The following ELMOD3 variants were observed in gnomAD, a reference collection of about 807,000 sequenced individuals.
The protein encoded by ELMOD3 is ELMO domain-containing protein 3.
Under a neutral mutation model 47.4 loss-of-function variants are expected in ELMOD3, and 36 were observed. That is an observed-to-expected ratio of 0.76 (90% confidence interval 0.58 to 1.00). ELMOD3 has a LOEUF of 1.00. Among genes scored for constraint, ELMOD3 ranks in the 50% least tolerant of loss-of-function variants. ELMOD3 has a pLI of 0.00. For synonymous variants in ELMOD3, 149 were observed against 183.5 expected, an observed-to-expected ratio of 0.81 and a Z score of 1.52; for missense variants, 404 against 463.8, an observed-to-expected ratio of 0.87 and a Z score of 1.18.
chr2:85,371,632 CG>C (rs1684795376), intron 10 of ELMOD3, 70 bp downstream of exon 10: 13 of 1,594,166 alleles, frequency 8.2e-6, no homozygotes, highest in Middle Eastern at 1.7e-4. Context: ...GAGGCCAGGT[CG>C]TTCTCTTCCA....
chr2:85,380,460 C>T (rs145054796), intron 11 of ELMOD3, among the ~76,000 whole-genome samples: 59 of 152,328 alleles, frequency 3.9e-4, no homozygotes, highest in Admixed American at 8.5e-4. Context: ...TCTGATGTCA[C>T]AATCTCCAAA....
Position 85,371,563 on chromosome 2 carries a change from G to T in ELMOD3, c.607+1G>T. On this transcript the variant is annotated splice_donor_variant, in intron 10 of 13. Coordinates refer to ENST00000409013, the MANE Select transcript of ELMOD3 (RefSeq NM_001135022.2). LOFTEE classifies it high-confidence loss of function. The stretch of plus-strand genomic sequence containing the variant: ...CACTGGGAGGACCTGGGCTTTCAGG[G>T]TAAGAGGGAGGAGTAGCTCATCTTC... 6.2e-7 allele frequency: 1 copy of T among 1,614,180 alleles called. No individual in the cohort carries two copies. The highest frequency in any genetic ancestry group is 8.5e-7 in the Non-Finnish European group (1 of 1,180,008).
chr2:85,355,921 A>G (rs1446517153), intron 3 of ELMOD3: 2 of 152,130 alleles, frequency 1.3e-5, no homozygotes, highest in Non-Finnish European at 2.9e-5. Context: ...AGTGTTAATA[A>G]TCAAAGCATC....
chr2:85,369,106 T>C (rs1684605926), intron 7 of ELMOD3, among the ~76,000 whole-genome samples: 1 of 152,146 alleles, frequency 6.6e-6, no homozygotes, highest in Admixed American at 6.6e-5. Context: ...GCTCAGGTTG[T>C]TTACTGCACA....
chr2:85,385,602 G>A (rs1033461606), intron 11 of ELMOD3, among the ~76,000 whole-genome samples: 4 of 152,226 alleles, frequency 2.6e-5, no homozygotes, highest in Middle Eastern at 3.4e-3. Flanking sequence ...GGATTTATAC[G>A]TACAGGTTTG....
chr2:85,371,584 T>A, intron 10 of ELMOD3, 22 bp downstream of exon 10: 1 of 1,613,600 alleles, frequency 6.2e-7, no homozygotes, highest in Non-Finnish European at 8.5e-7. Context: ...GAGTAGCTCA[T>A]CTTCTTTTTC....
chr2:85,366,328 G>A (rs1400055750), intron 6 of ELMOD3, among the ~76,000 whole-genome samples: 2 of 152,046 alleles, frequency 1.3e-5, no homozygotes, highest in Non-Finnish European at 2.9e-5. Flanking sequence ...TATGCTGAAA[G>A]TAAGTTTTAT....
rs989113359 is a variant in ELMOD3 at position 85,376,046 on chromosome 2, A to C, written c.608-1298A>C. Among the ~76,000 whole-genome samples the C allele has an allele frequency of 5.9e-5, 9 of 152,114 alleles. No homozygotes were observed. The highest frequency in any genetic ancestry group is 1.2e-4 in the Non-Finnish European group (8 of 68,022). Reference sequence around the variant, plus strand: ...GATCAGCAACCTTAATTCTACCTGCAGTCTTAATCCCCTTTGCCATGTTAC... The same window carrying C: ...GATCAGCAACCTTAATTCTACCTGCCGTCTTAATCCCCTTTGCCATGTTAC... On this transcript the variant is annotated intron_variant, in intron 10 of 13. Transcript: ENST00000409013. The surrounding 1 kb of genome is among the most constrained non-coding windows in gnomAD (Gnocchi z 4.2).
chr2:85,360,458 A>G (rs1025151243), intron 4 of ELMOD3, among the ~76,000 whole-genome samples: 1 of 150,902 alleles, frequency 6.6e-6, no homozygotes, highest in African/African-American at 2.4e-5. Context: ...GGTTGAAGCC[A>G]TTCTCGTGCC....
intron 11 of ELMOD3, among the ~76,000 whole-genome samples, chr2:85,387,704 G>A (rs1167130866): frequency 6.8e-6 from 1 of 146,522 alleles, no homozygotes; most frequent in East Asian, 2.0e-4. Context: ...TCTTGGAGTT[G>A]TTGTAATGAT....
chr2:85,389,938 G>T, intron 12 of ELMOD3, 111 bp downstream of exon 12: 1 of 1,151,080 alleles, frequency 8.7e-7, no homozygotes, highest in South Asian at 1.3e-5. Flanking sequence ...TGGAGGGCCT[G>T]GACAAAGTCC....
intron 6 of ELMOD3, among the ~76,000 whole-genome samples, chr2:85,366,998 A>G (rs902987631): frequency 3.9e-5 from 6 of 152,222 alleles, no homozygotes; most frequent in African/African-American, 1.4e-4. Context: ...GAGCCAGAGA[A>G]TGACAGCTCT....
In ELMOD3 at chr2:85,390,800, C is replaced by T. The variant is rs1020198346; in HGVS notation, c.984C>T (p.Leu328=). 2.2e-5 allele frequency: 34 copies of T among 1,551,446 alleles called. No individual in the cohort carries two copies. The highest frequency in any genetic ancestry group is 2.8e-5 in the Non-Finnish European group (32 of 1,147,024). Residue 328 remains leucine, a synonymous_variant, in exon 14 of 14, where the codon CTC becomes CTT. Coordinates refer to ENST00000409013, the MANE Select transcript of ELMOD3 (RefSeq NM_001135022.2). ...VLAKKSPRRL[L]KTLELYLARV... ...CCAAGAAGAGCCCACGGCGGCTGCTCAAGACCCTGGAGCTGTACTTGGCCA... is the reference window on the plus strand; with the variant it reads ...CCAAGAAGAGCCCACGGCGGCTGCTTAAGACCCTGGAGCTGTACTTGGCCA...
chr2:85,374,255 C>A (rs1287167745), intron 10 of ELMOD3, among the ~76,000 whole-genome samples: 1 of 151,954 alleles, frequency 6.6e-6, no homozygotes, highest in African/African-American at 2.4e-5. Flanking sequence ...AATCCCAGCA[C>A]TTTGGGAGGC....
chr2:85,390,553 C>T lies in ELMOD3; in HGVS notation c.944-207C>T, dbSNP rs181103271. 629 of 1,566,396 alleles carry T rather than the reference C, an allele frequency of 4.0e-4. 3 individuals carry two copies. The highest frequency in any genetic ancestry group is 3.8e-3 in the African/African-American group (278 of 73,746). On this transcript the variant is annotated intron_variant, in intron 13 of 13. Transcript: ENST00000409013. ...TGGACTATTCAAAGTTGCAATTGTG[C>T]AGACAAGGTAGAGTGTGTGGTCCCT... is the stretch of plus-strand genomic sequence containing the variant.
chr2:85,386,068 A>T lies in ELMOD3; in HGVS notation c.739-3683A>T, dbSNP rs199948554. Among the ~76,000 whole-genome samples, 4 of 152,184 alleles carry T rather than the reference A, an allele frequency of 2.6e-5. No individual in the cohort carries two copies. The East Asian group carries it at 7.7e-4, about 29-fold the overall frequency. ...CATAGCAGTGGGAGTGCAGATGCTT[A>T]GACTCTCCCCATCAGAACCACTCAG... On this transcript the variant is annotated intron_variant, in intron 11 of 13. Transcript: ENST00000409013.
intron 6 of ELMOD3, among the ~76,000 whole-genome samples, chr2:85,363,839 A>G (rs1449437786): frequency 9.2e-5 from 14 of 152,234 alleles, no homozygotes; most frequent in Non-Finnish European, 5.9e-5. Context: ...ACAGCACAGC[A>G]GAGACTGGCC....
At position 85,389,813 on chromosome 2, in the gene ELMOD3, G is replaced by A; in HGVS notation, c.801G>A (p.Glu267=). 6.2e-7 allele frequency: 1 copy of A among 1,613,630 alleles called. No homozygotes were observed. The highest frequency in any genetic ancestry group is 8.5e-7 in the Non-Finnish European group (1 of 1,179,554). Reference sequence around the variant, plus strand: ...ACATTGCCATCCAGGCCTTGAGAGAGGAGTGTCTCTCCAGGTGAGTCCCCA... The same window carrying A: ...ACATTGCCATCCAGGCCTTGAGAGAAGAGTGTCTCTCCAGGTGAGTCCCCA... ...ITHIAIQALR[E]ECLSRECNRQ... is the part of the protein sequence containing the mutation. Residue 267 remains glutamate (E), a synonymous_variant, in exon 12 of 14, where the codon GAG becomes GAA. Coordinates refer to ENST00000409013, the MANE Select transcript of ELMOD3 (RefSeq NM_001135022.2).
intron 11 of ELMOD3, among the ~76,000 whole-genome samples, chr2:85,381,979 TG>T (rs1685570173): frequency 6.8e-6 from 1 of 148,020 alleles, no homozygotes; most frequent in African/African-American, 2.5e-5. Flanking sequence ...TAGCTGGGCG[TG>T]GTGGCGGGTG....
Sources: gnomAD v4.1 joint callset for allele counts (sites outside exome capture counted in the v4.1 genomes callset) on GRCh38, gnomAD v4.1.1 for gene constraint, Gnocchi (gnomAD v3.1) non-coding constraint, MANE v1.5 for transcripts, NCBI Gene and HGNC (gene_info 2026-07-23, HGNC 2026-07-21) for gene names.